Variants in PACS1 observed in about 807,000 individuals in gnomAD.
PACS1 encodes the protein PACS-1.
Under a neutral mutation model 115.0 loss-of-function variants are expected in PACS1, and 24 were observed. The observed-to-expected ratio is 0.21, with a 90% CI of 0.15 to 0.29. PACS1 has a LOEUF of 0.29. Ranked by LOEUF, PACS1 falls within the 10% of genes least tolerant of loss-of-function variation. PACS1 has a pLI of 1.00. For synonymous variants in PACS1, 453 were observed against 504.5 expected (o/e 0.90, Z 1.37); for missense variants, 838 against 1,251.2 (o/e 0.67, Z 4.98).
chr11:66,075,799 C>T lies in PACS1; in HGVS notation c.356+4957C>T, dbSNP rs140419997. On this transcript the variant is annotated intron_variant, in intron 1 of 23. Transcript: ENST00000320580. ...CTGTCCCCCGGCTGGAATGCAGTGGCGCGATCTGGCTCACTGTAAGCTCTG... is the reference window on the plus strand; with the variant it reads ...CTGTCCCCCGGCTGGAATGCAGTGGTGCGATCTGGCTCACTGTAAGCTCTG... 8.5e-4 allele frequency among the ~76,000 whole-genome samples: 123 copies of T among 144,550 alleles called. 2 individuals are homozygous for T. The East Asian group carries it at 0.015, about 18-fold the overall frequency. 94.8% of individuals were successfully genotyped at this position (144,550 alleles called of 152,430 possible). A position where few individuals can be genotyped will look rare whatever the true frequency, so the allele number is the denominator to read the frequency against.
In PACS1 at chr11:66,235,312, G is replaced by C; in HGVS notation, c.2116G>C (p.Val706Leu). The C allele has an allele frequency of 6.2e-7, 1 of 1,613,800 alleles. No homozygotes were observed. Reference protein sequence around the residue: ...SEPPVSEQLDVAGRVMQYVNG... With the variant: ...SEPPVSEQLDLAGRVMQYVNG... ...TGGCTTTTCTGCAGAGCAACTGGAC[G>C]TGGCAGGGCGGGTGATGCAGTACGT... The change falls in exon 18 of 24, where the codon GTG becomes CTG. Residue 706 changes from valine (V) to leucine (L), a missense_variant. Physicochemically the swap from Val to Leu is conservative, Grantham distance 32. Coordinates refer to ENST00000320580, the MANE Select transcript of PACS1 (RefSeq NM_018026.4). The surrounding 1 kb of genome is among the most constrained non-coding windows in gnomAD (Gnocchi z 5.6).
chr11:66,126,114 G>A (rs1858566236), intron 1 of PACS1, among the ~76,000 whole-genome samples: 1 of 151,462 alleles, frequency 6.6e-6, no homozygotes, highest in Admixed American at 6.6e-5. Context: ...TCCACTTTAT[G>A]TGTTAGTGTT....
intron 1 of PACS1, among the ~76,000 whole-genome samples, chr11:66,076,222 CT>C (rs1349894990): frequency 6.6e-6 from 1 of 152,172 alleles, no homozygotes; most frequent in Non-Finnish European, 1.5e-5. Flanking sequence ...ATTTACAGAT[CT>C]TTTGGACACC....
In PACS1 at chr11:66,225,176, C is replaced by A. The variant is rs75107184; in HGVS notation, c.1294-2328C>A. On this transcript the variant is annotated intron_variant, in intron 10 of 23. Transcript: ENST00000320580. ...GCCTAGTCCTTCATGAAATGATAGCCTACACATTACCCACTCTTGCCCCCT... is the reference window on the plus strand; with the variant it reads ...GCCTAGTCCTTCATGAAATGATAGCATACACATTACCCACTCTTGCCCCCT... Among the ~76,000 whole-genome samples the A allele has an allele frequency of 1.1e-4, 17 of 152,320 alleles. No individual in the cohort carries two copies. In the East Asian group the frequency reaches 3.3e-3, roughly 29 times the overall value.
At chr11:66,139,333 C>T (rs1858924504) in intron 1 of PACS1, among the ~76,000 whole-genome samples, 1 of 152,112 alleles carries the variant, frequency 6.6e-6, no homozygotes, top group East Asian at 1.9e-4. Context: ...GTGTTACAGA[C>T]AATCCAGTTA....
chr11:66,089,243 A>G (rs1231149770), intron 1 of PACS1, among the ~76,000 whole-genome samples: 1 of 152,128 alleles, frequency 6.6e-6, no homozygotes, highest in Non-Finnish European at 1.5e-5. Flanking sequence ...CATTGTGACA[A>G]CCCCAGAGAC....
Position 66,198,602 on chromosome 11 carries a change from G to A in PACS1, c.444+5029G>A, listed in dbSNP as rs28850652. Among the ~76,000 whole-genome samples the A allele has an allele frequency of 9.8e-3, 1,483 of 151,948 alleles. 30 individuals carry two copies. Among genetic ancestry groups the A allele is most frequent in the African/African-American group, 0.033 (1,387 of 41,424 alleles). ...TTGCCAGGGGTTAGGGGTGGGGGTG[G>A]GCAGACTGCAGAGGGTGATAATTAA... is the stretch of plus-strand genomic sequence containing the variant. On this transcript the variant is annotated intron_variant, in intron 2 of 23. Coordinates refer to ENST00000320580, the MANE Select transcript of PACS1 (RefSeq NM_018026.4).
chr11:66,114,211 G>C (rs573863004), intron 1 of PACS1, among the ~76,000 whole-genome samples: 2 of 152,134 alleles, frequency 1.3e-5, no homozygotes, highest in African/African-American at 4.8e-5. Flanking sequence ...AAGGTCAAGA[G>C]ATCGAGACCA....
intron 4 of PACS1, 49 bp from the exon 5 acceptor site, chr11:66,216,069 TC>T (rs1392357764): frequency 6.3e-7 from 1 of 1,599,138 alleles, no homozygotes; most frequent in Non-Finnish European, 8.5e-7. Context: ...GCTGTGTTTC[TC>T]CAGGTGCCTC....
At chr11:66,237,983 C>T (rs1167534561) in intron 19 of PACS1, 1 of 878,742 alleles carries the variant, frequency 1.1e-6, no homozygotes, top group Non-Finnish European at 1.4e-6. Flanking sequence ...CTCTGGACTC[C>T]CAGCCCAGCT....
chr11:66,202,742 A>AAATAT (rs1200930188), intron 2 of PACS1, among the ~76,000 whole-genome samples: 7 of 71,604 alleles, frequency 9.8e-5, no homozygotes, highest in African/African-American at 4.0e-4. Context: ...AAAAAAAAAA[A>AAATAT]ATATATATAT....
chr11:66,206,498 G>T (rs767704390), intron 2 of PACS1, among the ~76,000 whole-genome samples: 1 of 152,154 alleles, frequency 6.6e-6, no homozygotes, highest in African/African-American at 2.4e-5. Flanking sequence ...ACTGCACTCC[G>T]CATCCTGCTA....
intron 1 of PACS1, among the ~76,000 whole-genome samples, chr11:66,179,726 G>T (rs965497891): frequency 6.6e-6 from 1 of 152,160 alleles, no homozygotes; most frequent in Non-Finnish European, 1.5e-5. Context: ...TACTTCAGTT[G>T]TATAAAGGGG....
chr11:66,195,657 C>T (rs150951415), intron 2 of PACS1, among the ~76,000 whole-genome samples: 21 of 152,232 alleles, frequency 1.4e-4, no homozygotes, highest in Admixed American at 3.3e-4. Flanking sequence ...TGTTCTACTT[C>T]CAAGCAGCTG....
chr11:66,220,905 T>C, intron 9 of PACS1, 114 bp downstream of exon 9: 1 of 1,203,644 alleles, frequency 8.3e-7, no homozygotes, highest in Non-Finnish European at 1.2e-6. Flanking sequence ...CCTTCATCCT[T>C]TCTGAACCTC....
intron 1 of PACS1, among the ~76,000 whole-genome samples, chr11:66,129,114 T>A (rs911003935): frequency 6.6e-6 from 1 of 152,024 alleles, no homozygotes; most frequent in Admixed American, 6.6e-5. Flanking sequence ...TATACTGTAA[T>A]GTCAATTTAA....
intron 2 of PACS1, 78 bp downstream of exon 2, chr11:66,193,651 A>C: frequency 1.1e-6 from 1 of 934,528 alleles, no homozygotes; most frequent in South Asian, 1.4e-5. Flanking sequence ...CTTCAGAAAC[A>C]CTACTGGGAC....
At chr11:66,214,620 C>CTTTTTTTTTTTT (rs578031707) in intron 4 of PACS1, among the ~76,000 whole-genome samples, 2 of 115,340 alleles carry the variant, frequency 1.7e-5, no homozygotes, top group East Asian at 2.5e-4. Context: ...TTTTTCTTTT[C>CTTTTTTTTTTTT]TTTTTTTTTT....
intron 1 of PACS1, among the ~76,000 whole-genome samples, chr11:66,087,321 A>G (rs1280411366): frequency 2.6e-5 from 4 of 151,476 alleles, no homozygotes; most frequent in African/African-American, 4.9e-5. Flanking sequence ...GCTCACTGCA[A>G]CCTCCGCCTC....
Sources: gnomAD v4.1 joint callset for allele counts (sites outside exome capture counted in the v4.1 genomes callset) on GRCh38, gnomAD v4.1.1 for gene constraint, Gnocchi (gnomAD v3.1) non-coding constraint, MANE v1.5 for transcripts, NCBI Gene and HGNC (gene_info 2026-07-23, HGNC 2026-07-21) for gene names.